HMCN1: variants seen among roughly 807,000 people sequenced by gnomAD.
The protein encoded by HMCN1 is hemicentin 1.
In HMCN1, 321 loss-of-function variants were observed where a neutral mutation model predicts 625.9. The ratio of observed to expected loss-of-function variants is 0.51; its 90% CI spans 0.47 to 0.56. The LOEUF (loss-of-function observed/expected upper bound fraction) is 0.56. HMCN1 is among the 20% of genes least tolerant of loss of function. The pLI is 0.00. For synonymous variants in HMCN1, 2,425 were observed against 2,417.6 expected, an observed-to-expected ratio of 1.00 and a Z score of -0.09; for missense variants, 6,588 against 6,887.3, an observed-to-expected ratio of 0.96 and a Z score of 1.54.
intron 40 of HMCN1, among the ~76,000 whole-genome samples, chr1:186,044,072 ACTT>A (rs953628052): frequency 3.3e-5 from 5 of 152,034 alleles, no homozygotes; most frequent in African/African-American, 7.2e-5. Flanking sequence ...CAAGAGCAAA[ACTT>A]CTTCTCAAAA....
Position 185,743,982 on chromosome 1 carries a change from G to GTTTTTTTT in HMCN1, c.268+8952_268+8959dup, listed in dbSNP as rs1214723950. ...TTCTACTTGATGACTTTACTGTTTT[G>GTTTTTTTT]TTTTTTTTTTTTTTTTTTTTTTTTG... On this transcript the variant is annotated intron_variant, in intron 1 of 106. Transcript: ENST00000271588. 3.6e-4 allele frequency among the ~76,000 whole-genome samples: 32 copies of GTTTTTTTT among 88,146 alleles called. 2 individuals are homozygous for GTTTTTTTT. The highest frequency in any genetic ancestry group is 1.3e-3 in the South Asian group (3 of 2,300). The allele number at this position is 88,146 out of a possible 152,430, so 57.8% of individuals were successfully genotyped here. A position where few individuals can be genotyped will look rare whatever the true frequency, so the allele number is the denominator to read the frequency against.
intron 28 of HMCN1, among the ~76,000 whole-genome samples, chr1:186,002,672 T>G (rs892810154): frequency 5.9e-5 from 9 of 152,106 alleles, no homozygotes; most frequent in African/African-American, 2.2e-4. Context: ...TTATCTCCAG[T>G]TCAGACTTCT....
chr1:186,172,926 A>G (rs556919722), intron 102 of HMCN1, among the ~76,000 whole-genome samples: 1 of 152,322 alleles, frequency 6.6e-6, no homozygotes, highest in Non-Finnish European at 1.5e-5. Context: ...AGGAGTCACT[A>G]TGAAGGAGGT....
At chr1:186,150,242 A>G (rs1403712412) in intron 93 of HMCN1, among the ~76,000 whole-genome samples, 1 of 152,230 alleles carries the variant, frequency 6.6e-6, no homozygotes, top group African/African-American at 2.4e-5. Context: ...AAAATGTATT[A>G]AAATACATCA....
chr1:186,039,960 A>C, intron 39 of HMCN1, 81 bp downstream of exon 39: 1 of 1,337,978 alleles, frequency 7.5e-7, no homozygotes, highest in Non-Finnish European at 1.1e-6. Context: ...ACTGTTGAAG[A>C]GATTTAGAGA....
chr1:186,168,061 T>C (rs149562977), intron 100 of HMCN1, among the ~76,000 whole-genome samples: 255 of 151,668 alleles, frequency 1.7e-3, no homozygotes, highest in African/African-American at 5.8e-3. Context: ...TAGGAAGGTA[T>C]GTATAATTTT....
At chr1:185,833,485 T>A (rs1004668081) in intron 1 of HMCN1, among the ~76,000 whole-genome samples, 1 of 152,232 alleles carries the variant, frequency 6.6e-6, no homozygotes, top group Non-Finnish European at 1.5e-5. Context: ...TCAGAAGTAG[T>A]GTGTTTGCCA....
At chr1:186,130,735 C>T in intron 85 of HMCN1, 38 bp downstream of exon 85, 1 of 1,570,394 alleles carries the variant, frequency 6.4e-7, no homozygotes, top group Non-Finnish European at 8.8e-7. Flanking sequence ...CCTTTAAACC[C>T]CCACAGCCAA....
intron 1 of HMCN1, among the ~76,000 whole-genome samples, chr1:185,818,666 G>T (rs1399719690): frequency 6.6e-6 from 1 of 151,954 alleles, no homozygotes; most frequent in Non-Finnish European, 1.5e-5. Flanking sequence ...TGTAATGCTT[G>T]CAACTGGCTA....
At chr1:185,983,721 G>T (rs567344053) in intron 18 of HMCN1, among the ~76,000 whole-genome samples, 4 of 152,324 alleles carry the variant, frequency 2.6e-5, no homozygotes, top group African/African-American at 9.6e-5. Flanking sequence ...AAGGGTGGGT[G>T]TTGAGGTTAA....
intron 40 of HMCN1, among the ~76,000 whole-genome samples, chr1:186,045,437 A>G (rs748671090): frequency 6.6e-6 from 1 of 152,182 alleles, no homozygotes; most frequent in Non-Finnish European, 1.5e-5. Context: ...TTAATTGGGC[A>G]CTTGATGAGA....
At chr1:185,751,730 T>C (rs1372017216) in intron 1 of HMCN1, among the ~76,000 whole-genome samples, 12 of 152,174 alleles carry the variant, frequency 7.9e-5, no homozygotes, top group Admixed American at 7.9e-4. Flanking sequence ...AAATCTTTCA[T>C]ACGTTTCTCT....
Position 186,186,993 on chromosome 1 carries a change from C to G in HMCN1, c.16415-890C>G, listed in dbSNP as rs534408135. Among the ~76,000 whole-genome samples, 8 of 94,766 alleles carry G rather than the reference C, an allele frequency of 8.4e-5. No homozygotes were observed. The East Asian group carries it at 2.0e-3, about 23-fold the overall frequency. The allele number at this position is 94,766 out of a possible 152,430, so 62.2% of individuals were successfully genotyped here. ...TCAATCTCACATTCTCTGTCTCTGTCTCACACACACACACACACACACACA... is the reference window on the plus strand; with the variant it reads ...TCAATCTCACATTCTCTGTCTCTGTGTCACACACACACACACACACACACA... On this transcript the variant is annotated intron_variant, in intron 105 of 106. Coordinates refer to ENST00000271588, the MANE Select transcript of HMCN1 (RefSeq NM_031935.3).
chr1:185,814,276 C>T (rs1659708349), intron 1 of HMCN1, among the ~76,000 whole-genome samples: 1 of 151,790 alleles, frequency 6.6e-6, no homozygotes. Context: ...TGTTTTATTC[C>T]CTTACCTTTC....
At chr1:185,968,577 A>G (rs897927982) in intron 14 of HMCN1, among the ~76,000 whole-genome samples, 1 of 151,804 alleles carries the variant, frequency 6.6e-6, no homozygotes, top group African/African-American at 2.4e-5. Context: ...AAGTTTTTAA[A>G]CAAACATTTT....
At chr1:185,989,914 T>C (rs1448045927) in intron 21 of HMCN1, among the ~76,000 whole-genome samples, 2 of 152,142 alleles carry the variant, frequency 1.3e-5, no homozygotes, top group African/African-American at 2.4e-5. Flanking sequence ...GTATGCTTAT[T>C]GCACCCAACC....
chr1:185,744,133 C>T (rs988036319), intron 1 of HMCN1, among the ~76,000 whole-genome samples: 3 of 151,414 alleles, frequency 2.0e-5, no homozygotes, highest in East Asian at 3.9e-4. Context: ...GGACTACAGG[C>T]GCCCGCCACC....
intron 1 of HMCN1, among the ~76,000 whole-genome samples, chr1:185,747,300 T>G (rs1395677621): frequency 6.6e-6 from 1 of 152,134 alleles, no homozygotes; most frequent in Non-Finnish European, 1.5e-5. Context: ...TCAAAATAAT[T>G]TGTATTGTTA....
intron 6 of HMCN1, among the ~76,000 whole-genome samples, chr1:185,920,038 C>A (rs1666923234): frequency 6.6e-6 from 1 of 152,148 alleles, no homozygotes; most frequent in Non-Finnish European, 1.5e-5. Context: ...AAAACAATAG[C>A]TTACTTTAAT....
Sources: allele counts gnomAD v4.1 joint callset (sites outside exome capture counted in the v4.1 genomes callset), GRCh38; gene constraint gnomAD v4.1.1; transcripts MANE v1.5; gene names NCBI Gene and HGNC (gene_info 2026-07-23, HGNC 2026-07-21).